The following ARFIP1 variants were observed in gnomAD, a reference collection of about 807,000 sequenced individuals.
The protein encoded by ARFIP1 is ARF interacting protein 1.
In ARFIP1, 24 loss-of-function variants were observed where a neutral mutation model predicts 42.5. That is an observed-to-expected ratio of 0.57 (90% CI 0.41 to 0.80). The LOEUF is 0.80. ARFIP1 is among the 30% of genes least tolerant of loss of function. The probability of loss-of-function intolerance (pLI) is 0.00; values close to 1 mark genes in which losing one functional copy is unlikely to be tolerated. For synonymous variants in ARFIP1, 141 were observed against 153.7 expected (o/e 0.92, Z 0.61); for missense variants, 354 against 434.0 (o/e 0.82, Z 1.64).
intron 8 of ARFIP1, among the ~76,000 whole-genome samples, chr4:152,898,961 TTGG>T (rs1482985412): frequency 6.6e-6 from 1 of 152,206 alleles, no homozygotes; most frequent in Admixed American, 6.5e-5. Flanking sequence ...GGATGGGCCA[TTGG>T]TTTGACTAGT....
chr4:152,886,267 A>G (rs1736253963), intron 7 of ARFIP1, among the ~76,000 whole-genome samples: 2 of 151,958 alleles, frequency 1.3e-5, no homozygotes, highest in African/African-American at 4.8e-5. Context: ...TGATACAATC[A>G]TGTCATTTTT....
intron 2 of ARFIP1, among the ~76,000 whole-genome samples, chr4:152,849,976 T>A (rs1161793110): frequency 6.7e-6 from 1 of 149,666 alleles, no homozygotes; most frequent in Non-Finnish European, 1.5e-5. Flanking sequence ...TAAAATGTCT[T>A]TTATCTGCCC....
chr4:152,840,523 A>G (rs571981817), intron 2 of ARFIP1, among the ~76,000 whole-genome samples: 14 of 152,194 alleles, frequency 9.2e-5, no homozygotes, highest in Admixed American at 7.8e-4. Context: ...GTCTCTTTTA[A>G]TTGCTGTTGC....
At chr4:152,780,377 T>C (rs546875669) in intron 1 of ARFIP1, among the ~76,000 whole-genome samples, 151 bp downstream of exon 1, 1 of 152,226 alleles carries the variant, frequency 6.6e-6, no homozygotes, top group Non-Finnish European at 1.5e-5. Context: ...CCAAGTGTTA[T>C]GCCTTTGGTT....
At chr4:152,781,862 A>G (rs1730518056) in intron 1 of ARFIP1, among the ~76,000 whole-genome samples, 1 of 152,196 alleles carries the variant, frequency 6.6e-6, no homozygotes, top group Non-Finnish European at 1.5e-5. Flanking sequence ...AGGGTCAACA[A>G]CTTTCAGGGG....
chr4:152,908,673 T>C (rs926031038), intron 8 of ARFIP1, among the ~76,000 whole-genome samples: 1 of 152,130 alleles, frequency 6.6e-6, no homozygotes, highest in Non-Finnish European at 1.5e-5. Flanking sequence ...TTCTTTATAA[T>C]TTATGGGTTT....
intron 1 of ARFIP1, among the ~76,000 whole-genome samples, chr4:152,808,321 G>A (rs1464241904): frequency 4.4e-5 from 1 of 22,476 alleles, no homozygotes; most frequent in Non-Finnish European, 1.0e-4. Flanking sequence ...TTTTTTTGTA[G>A]CAGTAGTTTG....
intron 1 of ARFIP1, among the ~76,000 whole-genome samples, chr4:152,783,561 C>T (rs547208844): frequency 2.6e-5 from 4 of 152,120 alleles, no homozygotes; most frequent in South Asian, 2.1e-4. Context: ...CTCAGAATTG[C>T]GCTGGTGGAG....
At chr4:152,882,964 C>T in intron 7 of ARFIP1, 84 bp downstream of exon 7, 1 of 1,396,068 alleles carries the variant, frequency 7.2e-7, no homozygotes, top group Non-Finnish European at 9.7e-7. Flanking sequence ...CAACAGAAAC[C>T]AACTCTGGCC....
chr4:152,829,817 T>C (rs1422364281), intron 2 of ARFIP1, 91 bp downstream of exon 2: 1 of 1,053,060 alleles, frequency 9.5e-7, no homozygotes, highest in East Asian at 2.5e-5. Flanking sequence ...TAATATAGGA[T>C]TGTTTTCTTA....
At chr4:152,841,840 A>G (rs552216836) in intron 2 of ARFIP1, among the ~76,000 whole-genome samples, 2 of 152,224 alleles carry the variant, frequency 1.3e-5, no homozygotes, top group Admixed American at 1.3e-4. Flanking sequence ...CCTCTGGACC[A>G]GCCTGCTAGC....
chr4:152,784,745 G>T (rs1195762177), intron 1 of ARFIP1, among the ~76,000 whole-genome samples: 3 of 152,206 alleles, frequency 2.0e-5, no homozygotes, highest in East Asian at 3.8e-4. Context: ...AAAGATTTGG[G>T]GATCTGAAGG....
At chr4:152,878,745 G>T (rs1024868055) in intron 5 of ARFIP1, among the ~76,000 whole-genome samples, 1 of 151,968 alleles carries the variant, frequency 6.6e-6, no homozygotes, top group Non-Finnish European at 1.5e-5. Flanking sequence ...TTCTGTGGGG[G>T]AAAAAAAGGC....
intron 5 of ARFIP1, among the ~76,000 whole-genome samples, chr4:152,876,116 A>G (rs374090704): frequency 3.3e-5 from 5 of 151,934 alleles, no homozygotes; most frequent in East Asian, 1.9e-4. Context: ...AATACAGTAA[A>G]TTGGTACCAG....
chr4:152,817,282 A>G (rs1290203775), intron 1 of ARFIP1, among the ~76,000 whole-genome samples: 1 of 152,232 alleles, frequency 6.6e-6, no homozygotes, highest in Admixed American at 6.5e-5. Context: ...GTAGCCACAA[A>G]TAATCTAGAT....
At chr4:152,781,095 T>C (rs1730459414) in intron 1 of ARFIP1, among the ~76,000 whole-genome samples, 2 of 152,202 alleles carry the variant, frequency 1.3e-5, no homozygotes, top group Non-Finnish European at 2.9e-5. Flanking sequence ...GCATAAACTT[T>C]TGCTTTCATA....
intron 1 of ARFIP1, among the ~76,000 whole-genome samples, chr4:152,798,881 A>C (rs565282042): frequency 1.3e-5 from 2 of 152,342 alleles, no homozygotes; most frequent in South Asian, 4.1e-4. Flanking sequence ...AGCACATTAA[A>C]CTTTTCTTGA....
chr4:152,791,216 A>G (rs372996654), intron 1 of ARFIP1, among the ~76,000 whole-genome samples: 1 of 152,334 alleles, frequency 6.6e-6, no homozygotes, highest in African/African-American at 2.4e-5. Flanking sequence ...AAATAAATGT[A>G]ATATACTTTG....
In ARFIP1 at chr4:152,808,283, A is replaced by ATTTTTTTTTTTT. The variant is rs61135783; in HGVS notation, c.-9-21319_-9-21308dup. Among the ~76,000 whole-genome samples the ATTTTTTTTTTTT allele has an allele frequency of 2.1e-3, 42 of 20,316 alleles. 6 individuals are homozygous for ATTTTTTTTTTTT. The highest frequency in any genetic ancestry group is 0.038 in the Middle Eastern group (1 of 26). 13.3% of individuals were successfully genotyped at this position (20,316 alleles called of 152,430 possible). A position where few individuals can be genotyped will look rare whatever the true frequency, so the allele number is the denominator to read the frequency against. ...GTGTGAGCCACCACGCCTGGCCTCC[A>ATTTTTTTTTTTT]TTTTTTTTTTTTTTTTTTTTTTTTT... On this transcript the variant is annotated intron_variant, in intron 1 of 8. Coordinates refer to ENST00000353617, the MANE Select transcript of ARFIP1 (RefSeq NM_001025595.3).
Sources: allele counts gnomAD v4.1 joint callset (sites outside exome capture counted in the v4.1 genomes callset), GRCh38; gene constraint gnomAD v4.1.1; transcripts MANE v1.5; gene names NCBI Gene and HGNC (gene_info 2026-07-23, HGNC 2026-07-21).